Variants in PHEX observed in about 807,000 individuals in gnomAD.
PHEX encodes the protein phosphate-regulating neutral endopeptidase PHEX.
In PHEX, 16 loss-of-function variants were observed where a neutral mutation model predicts 68.0. The observed-to-expected ratio is 0.24, with a 90% CI of 0.16 to 0.36. The LOEUF is 0.36. Among genes scored for constraint, PHEX ranks in the 10% least tolerant of loss-of-function variants. The probability of loss-of-function intolerance (pLI) is 1.00; values close to 1 mark genes in which losing one functional copy is unlikely to be tolerated. For synonymous variants in PHEX, 208 were observed against 205.1 expected (o/e 1.01, Z -0.12); for missense variants, 480 against 575.5 (o/e 0.83, Z 1.70).
At chrX:22,089,520 A>G (rs1929779118) in intron 5 of PHEX, among the ~76,000 whole-genome samples, 1 of 108,649 alleles carries the variant, frequency 9.2e-6, no homozygotes, top group South Asian at 4.0e-4. Context: ...TCCCAGGTTC[A>G]AGCAATTCTC....
chrX:22,175,346 A>AC (rs1933663161), intron 13 of PHEX, among the ~76,000 whole-genome samples: 2 of 102,206 alleles, frequency 2.0e-5, no homozygotes. Context: ...CTTCTTTACA[A>AC]CGTTTTTTTT....
intron 9 of PHEX, among the ~76,000 whole-genome samples, chrX:22,110,836 A>T (rs1032604670): frequency 8.9e-6 from 1 of 112,371 alleles, no homozygotes; most frequent in Admixed American, 9.4e-5. Flanking sequence ...GCTGGAGCCT[A>T]TCTAGGCAGC....
chrX:22,091,122 T>A lies in PHEX; in HGVS notation c.732+625T>A, dbSNP rs141608612. Among the ~76,000 whole-genome samples the A allele has an allele frequency of 1.6e-3, 177 of 111,949 alleles. 2 individuals carry two copies. The highest frequency in any genetic ancestry group is 5.6e-3 in the African/African-American group (172 of 30,797). On this transcript the variant is annotated intron_variant, in intron 6 of 21. Coordinates refer to ENST00000379374, the MANE Select transcript of PHEX (RefSeq NM_000444.6). ...CACTTTCAATTTATTTTGGAAACTT[T>A]ATTGAACTTCCAAAGGAGCCTCAGA... is the stretch of plus-strand genomic sequence containing the variant.
intron 12 of PHEX, among the ~76,000 whole-genome samples, chrX:22,152,312 C>T (rs1932867280): frequency 9.0e-6 from 1 of 111,407 alleles, no homozygotes; most frequent in Non-Finnish European, 1.9e-5. Flanking sequence ...TAGCACAGTA[C>T]CTGGTTTATA....
At chrX:22,200,469 C>T (rs183840629) in intron 15 of PHEX, among the ~76,000 whole-genome samples, 1 of 110,793 alleles carries the variant, frequency 9.0e-6, no homozygotes, top group Non-Finnish European at 1.9e-5. Flanking sequence ...ATTAGCTGAG[C>T]ATGGTGGCTG....
intron 17 of PHEX, among the ~76,000 whole-genome samples, chrX:22,219,743 C>T (rs1014434249): frequency 1.7e-4 from 19 of 111,175 alleles, no homozygotes; most frequent in Admixed American, 1.0e-3. Context: ...CTCAGCCTCC[C>T]GAGTAGCTGG....
intron 20 of PHEX, among the ~76,000 whole-genome samples, chrX:22,234,836 C>A (rs914273924): frequency 9.4e-6 from 1 of 106,536 alleles, no homozygotes; most frequent in African/African-American, 3.5e-5. Context: ...AAAAAAACCA[C>A]ACACACACAC....
intron 13 of PHEX, among the ~76,000 whole-genome samples, chrX:22,170,624 T>C (rs1414510771): frequency 2.7e-5 from 3 of 112,180 alleles, no homozygotes; most frequent in African/African-American, 9.7e-5. Flanking sequence ...ACTATTTTGG[T>C]TTGAAAAAGT....
intron 13 of PHEX, chrX:22,171,787 T>C (rs1399722436): frequency 8.9e-6 from 1 of 111,978 alleles, no homozygotes; most frequent in East Asian, 2.8e-4. Context: ...TTAAGAAACA[T>C]GTAGATAAGG....
At chrX:22,101,420 T>C (rs1311380202) in intron 9 of PHEX, among the ~76,000 whole-genome samples, 2 of 112,031 alleles carry the variant, frequency 1.8e-5, no homozygotes, top group Non-Finnish European at 1.9e-5. Flanking sequence ...AAAGTCTTCT[T>C]GGGTTCCCAT....
At chrX:22,108,557 A>G (rs1930806289) in intron 9 of PHEX, among the ~76,000 whole-genome samples, 3 of 112,174 alleles carry the variant, frequency 2.7e-5, no homozygotes, top group African/African-American at 6.5e-5. Flanking sequence ...ATTGAGTTCT[A>G]TATTGATGGC....
intron 3 of PHEX, among the ~76,000 whole-genome samples, chrX:22,051,905 T>C (rs757284035): frequency 8.9e-6 from 1 of 112,083 alleles, no homozygotes; most frequent in South Asian, 3.7e-4. Flanking sequence ...TCTTAAAGTG[T>C]ATAGAGGTTT....
intron 3 of PHEX, among the ~76,000 whole-genome samples, chrX:22,055,174 CAAAAAAAAAAAAAAAAAAAAAAAA>C (rs111628195): frequency 9.1e-5 from 6 of 66,106 alleles, no homozygotes; most frequent in Middle Eastern, 8.0e-3. Context: ...GACTCCAGCT[CAAAAAAAAAAAAAAAAAAAAAAAA>C]AAAAAAAAAA....
intron 12 of PHEX, among the ~76,000 whole-genome samples, chrX:22,141,146 A>G (rs1481062757): frequency 2.7e-5 from 3 of 111,022 alleles, no homozygotes; most frequent in African/African-American, 9.8e-5. Flanking sequence ...TCTTGGCTCT[A>G]TCCCACATCT....
rs764465237 is a variant in PHEX at position 22,227,571 on chromosome X, C to T, written c.2030C>T (p.Thr677Ile). ...GLEEPLLPGITFTNNQLFFLS... is the reference protein window; with the variant it reads ...GLEEPLLPGIIFTNNQLFFLS... ...GAGGAGCCTCTTCTACCAGGCATCACATTCACCAACAACCAGCTCTTCTTC... is the reference window on the plus strand; with the variant it reads ...GAGGAGCCTCTTCTACCAGGCATCATATTCACCAACAACCAGCTCTTCTTC... The change falls in exon 20 of 22, where the codon ACA (threonine) becomes ATA (isoleucine). Residue 677 changes from threonine (T) to isoleucine (I), a missense_variant. Thr to Ile is a moderately conservative substitution (Grantham distance 89). Coordinates refer to ENST00000379374, the MANE Select transcript of PHEX (RefSeq NM_000444.6). 1 of 1,205,589 alleles carries T rather than the reference C, an allele frequency of 8.3e-7. No individual in the cohort carries two copies. The highest frequency in any genetic ancestry group is 2.2e-5 in the Admixed American group (1 of 45,709).
Position 22,235,150 on chromosome X carries a change from T to G in PHEX, c.2070+7539T>G, listed in dbSNP as rs757304530. Among the ~76,000 whole-genome samples, 209 of 111,874 alleles carry G rather than the reference T, an allele frequency of 1.9e-3. 1 individual carries two copies. Among genetic ancestry groups the G allele is most frequent in the African/African-American group, 6.3e-3 (193 of 30,816 alleles). On this transcript the variant is annotated intron_variant, in intron 20 of 21. Coordinates refer to ENST00000379374, the MANE Select transcript of PHEX (RefSeq NM_000444.6). ...CCAGACCCTGCTTCGGCTTGCCCTC[T>G]GTGGCCTGCACCCACTGTCCAACCA... is the stretch of plus-strand genomic sequence containing the variant.
chrX:22,119,962 C>G (rs1293842767), intron 11 of PHEX, among the ~76,000 whole-genome samples: 1 of 111,171 alleles, frequency 9.0e-6, no homozygotes, highest in Non-Finnish European at 1.9e-5. Context: ...GGTAGATACT[C>G]ATGTCCATGG....
chrX:22,089,474 G>A (rs1319655131), intron 5 of PHEX, among the ~76,000 whole-genome samples: 2 of 107,177 alleles, frequency 1.9e-5, no homozygotes, highest in East Asian at 2.9e-4. Context: ...AGGCTGGAGT[G>A]TAGTGGCGTG....
At chrX:22,151,314 C>T (rs1231723094) in intron 12 of PHEX, among the ~76,000 whole-genome samples, 1 of 112,071 alleles carries the variant, frequency 8.9e-6, no homozygotes, top group African/African-American at 3.2e-5. Flanking sequence ...TTGTGGGCTT[C>T]AGGAGTAAGG....
Sources: gnomAD v4.1 joint callset for allele counts (sites outside exome capture counted in the v4.1 genomes callset) on GRCh38, gnomAD v4.1.1 for gene constraint, MANE v1.5 for transcripts, NCBI Gene and HGNC (gene_info 2026-07-23, HGNC 2026-07-21) for gene names.